Variants in CACNA1G observed in about 807,000 individuals in gnomAD.
The protein encoded by CACNA1G is voltage-dependent T-type calcium channel subunit alpha-1G.
CACNA1G carries 67 observed loss-of-function variants against 219.4 expected under a neutral mutation model. That is an observed-to-expected ratio of 0.31 (90% CI 0.25 to 0.37). CACNA1G has a LOEUF of 0.37. Ranked by LOEUF, CACNA1G falls within the 10% of genes least tolerant of loss-of-function variation. CACNA1G has a pLI of 1.00. For missense variants in CACNA1G, 2,380 were observed against 3,231.4 expected (o/e 0.74, Z 6.39); for synonymous variants, 1,296 against 1,345.3 (o/e 0.96, Z 0.80).
intron 3 of CACNA1G, 120 bp downstream of exon 3, chr17:50,569,418 C>T: frequency 9.1e-7 from 1 of 1,098,174 alleles, no homozygotes; most frequent in Non-Finnish European, 1.3e-6. Context: ...TTCTCCCTGG[C>T]TATCTCCTGA....
intron 8 of CACNA1G, among the ~76,000 whole-genome samples, chr17:50,577,134 G>T (rs767522196): frequency 1.4e-4 from 22 of 152,184 alleles, no homozygotes; most frequent in Non-Finnish European, 3.1e-4. Flanking sequence ...AGGTTTCTAT[G>T]CCAGCTCCTC....
At chr17:50,581,723 A>G (rs1481097247) in intron 9 of CACNA1G, among the ~76,000 whole-genome samples, 1 of 152,210 alleles carries the variant, frequency 6.6e-6, no homozygotes, top group Non-Finnish European at 1.5e-5. Flanking sequence ...AAGGACAAGA[A>G]CCCAGGAGAC....
intron 28 of CACNA1G, among the ~76,000 whole-genome samples, chr17:50,616,629 G>C (rs1355380586): frequency 6.6e-6 from 1 of 152,192 alleles, no homozygotes; most frequent in Non-Finnish European, 1.5e-5. Context: ...CTAGAAATCA[G>C]TGTGACCTAG....
Position 50,575,803 on chromosome 17 carries a change from C to T in CACNA1G, c.1401C>T (p.Ser467=), listed in dbSNP as rs770844552. The T allele has an allele frequency of 1.6e-5, 25 of 1,552,158 alleles. No individual in the cohort carries two copies. Among genetic ancestry groups the T allele is most frequent in the South Asian group, 5.9e-5 (5 of 84,246 alleles). ...GTGTGCGGGTTGGGCTGCTCAGCAG[C>T]CCAGCACCCCTCGGGGGCCAGGAGA... ...AAGVRVGLLS[S]PAPLGGQETQ... Residue 467 remains serine, a synonymous_variant, in exon 8 of 38, where the codon AGC becomes AGT. Coordinates refer to ENST00000359106, the MANE Select transcript of CACNA1G (RefSeq NM_018896.5).
rs182718479 is a variant in CACNA1G at position 50,596,135 on chromosome 17, A to G, written c.2980-427A>G. 1.4e-4 allele frequency among the ~76,000 whole-genome samples: 22 copies of G among 152,208 alleles called. No individual in the cohort carries two copies. The highest frequency in any genetic ancestry group is 1.4e-3 in the Admixed American group (21 of 15,302). ...TCCAGGGTCCTCGAGTCTGAGGCTCAGGGGAGGGGAGCCGTGGAGAGAAAG... is the reference window on the plus strand; with the variant it reads ...TCCAGGGTCCTCGAGTCTGAGGCTCGGGGGAGGGGAGCCGTGGAGAGAAAG... On this transcript the variant is annotated intron_variant, in intron 14 of 37. Coordinates refer to ENST00000359106, the MANE Select transcript of CACNA1G (RefSeq NM_018896.5). This position sits in a 1 kb window ranked among gnomAD's most constrained non-coding sequence, Gnocchi z 4.8.
At chr17:50,598,744 C>G (rs529744348) in intron 16 of CACNA1G, among the ~76,000 whole-genome samples, 1 of 152,232 alleles carries the variant, frequency 6.6e-6, no homozygotes, top group African/African-American at 2.4e-5. Flanking sequence ...CCATCTGTGT[C>G]TCCTTTTTTT....
chr17:50,595,725 G>A (rs899245441), intron 14 of CACNA1G, among the ~76,000 whole-genome samples: 3 of 152,362 alleles, frequency 2.0e-5, no homozygotes, highest in South Asian at 2.1e-4. Flanking sequence ...AATTCGGGGC[G>A]AAGCCAGCAT....
chr17:50,619,855 C>G, intron 34 of CACNA1G, 29 bp downstream of exon 34: 1 of 1,581,766 alleles, frequency 6.3e-7, no homozygotes. Flanking sequence ...TGTGCCCTCT[C>G]CCCTGACCGT....
intron 37 of CACNA1G, among the ~76,000 whole-genome samples, chr17:50,624,826 C>T (rs1297725506): frequency 6.6e-6 from 1 of 152,214 alleles, no homozygotes; most frequent in Non-Finnish European, 1.5e-5. Flanking sequence ...TCTGGTCTTT[C>T]CTTCCTCACC....
At position 50,624,775 on chromosome 17, in the gene CACNA1G, C is replaced by A. The variant is rs569426129; in HGVS notation, c.6399+246C>A. On this transcript the variant is annotated intron_variant, in intron 37 of 37. Transcript: ENST00000359106. ...TGGAGACCAGAAGGGGTAGTGCTTG[C>A]CCAGGGTCATGCCTATCTGGTCGGA... is the stretch of plus-strand genomic sequence containing the variant. Among the ~76,000 whole-genome samples, 6 of 152,286 alleles carry A rather than the reference C, an allele frequency of 3.9e-5. No homozygotes were observed. In the East Asian group the frequency reaches 9.7e-4, roughly 24 times the overall value.
At chr17:50,622,660 G>A (rs1427967593) in intron 35 of CACNA1G, among the ~76,000 whole-genome samples, 3 of 152,216 alleles carry the variant, frequency 2.0e-5, no homozygotes, top group African/African-American at 4.8e-5. Context: ...TGGGAACAAG[G>A]GGTGAAGGGT....
chr17:50,626,771 C>G lies in CACNA1G; in HGVS notation c.*20C>G, dbSNP rs757540379. 7 of 1,612,868 alleles carry G rather than the reference C, an allele frequency of 4.3e-6. No homozygotes were observed. The highest frequency in any genetic ancestry group is 5.9e-6 in the Non-Finnish European group (7 of 1,179,880). On this transcript the variant is annotated 3_prime_UTR_variant, in exon 38 of 38. Coordinates refer to ENST00000359106, the MANE Select transcript of CACNA1G (RefSeq NM_018896.5). This position sits in a 1 kb window ranked among gnomAD's most constrained non-coding sequence, Gnocchi z 4.3. Reference sequence around the variant, plus strand: ...CCCTGAGTCCTGCCCCACTTTCCCACTCACCTTTCTCCACTGGGTGCCAAG... The same window carrying G: ...CCCTGAGTCCTGCCCCACTTTCCCAGTCACCTTTCTCCACTGGGTGCCAAG...
At position 50,561,447 on chromosome 17, in the gene CACNA1G, G is replaced by T. The variant is rs1203335786; in HGVS notation, c.-13G>T. Reference sequence around the variant, plus strand: ...CCCTCTCCGGATCGCCCGGGGCCCCGGCTGGCCAGAGGATGGACGAGGAGG... The same window carrying T: ...CCCTCTCCGGATCGCCCGGGGCCCCTGCTGGCCAGAGGATGGACGAGGAGG... On this transcript the variant is annotated 5_prime_UTR_variant, in exon 1 of 38. Coordinates refer to ENST00000359106, the MANE Select transcript of CACNA1G (RefSeq NM_018896.5). 1.3e-6 allele frequency: 2 copies of T among 1,533,844 alleles called. No individual in the cohort carries two copies. The highest frequency in any genetic ancestry group is 3.9e-5 in the Admixed American group (2 of 50,990).
chr17:50,569,355 G>T (rs1451090655), intron 3 of CACNA1G, 57 bp downstream of exon 3: 1 of 1,584,240 alleles, frequency 6.3e-7, no homozygotes, highest in South Asian at 1.1e-5. Flanking sequence ...CTTCCCCGGG[G>T]CCAGGGTTCT....
chr17:50,614,949 C>T (rs750766456), intron 26 of CACNA1G, among the ~76,000 whole-genome samples: 2 of 152,236 alleles, frequency 1.3e-5, no homozygotes, highest in Admixed American at 6.5e-5. Context: ...GGAGCAAAAG[C>T]CTTTGCCTCC....
intron 9 of CACNA1G, among the ~76,000 whole-genome samples, chr17:50,580,203 T>C (rs1378218858): frequency 6.6e-6 from 1 of 152,136 alleles, no homozygotes; most frequent in Non-Finnish European, 1.5e-5. Context: ...TGGGTGTGTG[T>C]GCACATGCCA....
At chr17:50,579,311 A>G (rs914644062) in intron 9 of CACNA1G, among the ~76,000 whole-genome samples, 16 of 152,134 alleles carry the variant, frequency 1.1e-4, no homozygotes, top group Non-Finnish European at 2.4e-4. Flanking sequence ...TGTGGGGCTG[A>G]TGGCTACAAG....
At chr17:50,615,540 C>A (rs558527814) in intron 27 of CACNA1G, 28 bp downstream of exon 27, 1 of 1,598,650 alleles carries the variant, frequency 6.3e-7, no homozygotes. Flanking sequence ...AGCCATCTGG[C>A]CCCCCCACCT....
At position 50,617,731 on chromosome 17, in the gene CACNA1G, G is replaced by A; in HGVS notation, c.5156-128G>A. 2 of 1,421,816 alleles carry A rather than the reference G, an allele frequency of 1.4e-6. No individual in the cohort carries two copies. The highest frequency in any genetic ancestry group is 1.9e-6 in the Non-Finnish European group (2 of 1,034,654). The allele number at this position is 1,421,816 out of a possible 1,614,324, so 88.1% of individuals were successfully genotyped here. ...GGAGGCTGGAGACAGGGCTGAGGATGGGGATGCAACCTGGCTGGCCCGGAG... is the reference window on the plus strand; with the variant it reads ...GGAGGCTGGAGACAGGGCTGAGGATAGGGATGCAACCTGGCTGGCCCGGAG... On this transcript the variant is annotated intron_variant, in intron 29 of 37. Transcript: ENST00000359106. The surrounding 1 kb of genome is among the most constrained non-coding windows in gnomAD (Gnocchi z 5.8).
Sources: allele counts gnomAD v4.1 joint callset (sites outside exome capture counted in the v4.1 genomes callset), GRCh38; gene constraint gnomAD v4.1.1; non-coding constraint Gnocchi (gnomAD v3.1); transcripts MANE v1.5; gene names NCBI Gene and HGNC (gene_info 2026-07-23, HGNC 2026-07-21).